The following PITPNC1 variants were observed in gnomAD, a reference collection of about 807,000 sequenced individuals.
PITPNC1 encodes phosphatidylinositol transfer protein cytoplasmic 1.
Under a neutral mutation model 44.7 loss-of-function variants are expected in PITPNC1, and 18 were observed. That is an observed-to-expected ratio of 0.40 (90% confidence interval 0.28 to 0.60). PITPNC1 has a LOEUF of 0.60. Ranked by LOEUF, PITPNC1 falls within the 20% of genes least tolerant of loss-of-function variation. The pLI, the probability that PITPNC1 is intolerant of heterozygous loss-of-function variation, is 0.39. For missense variants in PITPNC1, 290 were observed against 418.4 expected, an observed-to-expected ratio of 0.69 and a Z score of 2.68; for synonymous variants, 141 against 149.6, an observed-to-expected ratio of 0.94 and a Z score of 0.42.
At chr17:67,430,131 G>C (rs931097129) in intron 1 of PITPNC1, among the ~76,000 whole-genome samples, 3 of 152,228 alleles carry the variant, frequency 2.0e-5, no homozygotes, top group Non-Finnish European at 4.4e-5. Flanking sequence ...GTTTAAGACA[G>C]TTCTGAATGC....
intron 1 of PITPNC1, among the ~76,000 whole-genome samples, chr17:67,471,948 G>A (rs556463112): frequency 2.0e-5 from 3 of 151,874 alleles, no homozygotes; most frequent in South Asian, 4.2e-4. Flanking sequence ...GTCTCTCCTT[G>A]TTTTTTTATG....
intron 1 of PITPNC1, among the ~76,000 whole-genome samples, chr17:67,500,497 A>T (rs2040011432): frequency 6.6e-6 from 1 of 152,114 alleles, no homozygotes; most frequent in Non-Finnish European, 1.5e-5. Context: ...AATACCATTA[A>T]CTGCTTATGG....
intron 2 of PITPNC1, among the ~76,000 whole-genome samples, chr17:67,547,819 T>C (rs2040704531): frequency 6.6e-6 from 1 of 152,226 alleles, no homozygotes; most frequent in Admixed American, 6.5e-5. Flanking sequence ...CAGTTCAGAT[T>C]ATGCCTGCCC....
intron 1 of PITPNC1, among the ~76,000 whole-genome samples, chr17:67,387,497 C>G (rs1196866176): frequency 3.3e-5 from 5 of 152,106 alleles, no homozygotes; most frequent in African/African-American, 1.2e-4. Flanking sequence ...GAAACCCCAT[C>G]TCTACTAAAA....
At chr17:67,585,981 A>T (rs2041310520) in intron 5 of PITPNC1, among the ~76,000 whole-genome samples, 1 of 152,148 alleles carries the variant, frequency 6.6e-6, no homozygotes, top group African/African-American at 2.4e-5. Context: ...TACACCACCC[A>T]ATCTGTGGTG....
intron 6 of PITPNC1, among the ~76,000 whole-genome samples, chr17:67,655,438 T>C (rs895532390): frequency 2.6e-5 from 4 of 151,072 alleles, no homozygotes; most frequent in Non-Finnish European, 5.9e-5. Flanking sequence ...CAGGCGCCTG[T>C]GGTCCCAGCT....
intron 1 of PITPNC1, among the ~76,000 whole-genome samples, chr17:67,517,134 G>C (rs1454985506): frequency 6.6e-6 from 1 of 152,242 alleles, no homozygotes; most frequent in Non-Finnish European, 1.5e-5. Flanking sequence ...CATGTGGCTG[G>C]AGAGCTGCCT....
rs1343822596 is a variant in PITPNC1, at chr17:67,696,481, AT to A, written c.*3594del. On this transcript the variant is annotated 3_prime_UTR_variant, in exon 9 of 9. Transcript: ENST00000581322. ...ATATAATGTGTAATCAGATAATCCA[AT>A]AGAGAGGAATTGTCCAAATAGTTTT... 3.9e-5 allele frequency: 6 copies of A among 152,348 alleles called. No individual in the cohort carries two copies. The highest frequency in any genetic ancestry group is 1.3e-4 in the Admixed American group (2 of 15,296). The allele number at this position is 152,348 out of a possible 1,614,324, so 9.4% of individuals were successfully genotyped here.
chr17:67,675,564 A>G, intron 8 of PITPNC1, 22 bp downstream of exon 8: 1 of 1,503,716 alleles, frequency 6.7e-7, no homozygotes, highest in Non-Finnish European at 9.3e-7. Context: ...TCTCCAAAAT[A>G]ACTTGTAGAA....
chr17:67,683,051 T>C (rs1014771411), intron 8 of PITPNC1, among the ~76,000 whole-genome samples: 1 of 151,496 alleles, frequency 6.6e-6, no homozygotes, highest in Non-Finnish European at 1.5e-5. Context: ...TCCCAGCTAC[T>C]TGGGAGGCTA....
intron 6 of PITPNC1, among the ~76,000 whole-genome samples, chr17:67,646,073 C>T (rs1017185992): frequency 9.2e-5 from 14 of 152,096 alleles, no homozygotes; most frequent in Non-Finnish European, 1.8e-4. Context: ...TGCAGTGAGC[C>T]GAGATCGTAC....
chr17:67,543,978 G>A (rs1040890165), intron 2 of PITPNC1, among the ~76,000 whole-genome samples: 2 of 152,194 alleles, frequency 1.3e-5, no homozygotes, highest in Non-Finnish European at 2.9e-5. Flanking sequence ...AGCCTCCTGA[G>A]TAGCTGGGAT....
chr17:67,605,166 G>A (rs1054394166), intron 5 of PITPNC1, among the ~76,000 whole-genome samples: 1 of 152,186 alleles, frequency 6.6e-6, no homozygotes, highest in Non-Finnish European at 1.5e-5. Context: ...GAGCAAAGCT[G>A]AACCGAGAGC....
chr17:67,399,096 C>G (rs1008838675), intron 1 of PITPNC1, among the ~76,000 whole-genome samples: 2 of 144,138 alleles, frequency 1.4e-5, no homozygotes, highest in Non-Finnish European at 3.0e-5. Flanking sequence ...CTCACTGCAA[C>G]TTCCGCCTCC....
At position 67,488,005 on chromosome 17, in the gene PITPNC1, A is replaced by T. The variant is rs547865551; in HGVS notation, c.49-44797A>T. Among the ~76,000 whole-genome samples the T allele has an allele frequency of 1.6e-4, 24 of 152,328 alleles. No homozygotes were observed. The South Asian group carries it at 4.3e-3, about 28-fold the overall frequency. ...GAGGTGTCAGTAAAGGAGAAAGCTTACTTGAAAGGTTTGGATTACCGAGCA... is the reference window on the plus strand; with the variant it reads ...GAGGTGTCAGTAAAGGAGAAAGCTTTCTTGAAAGGTTTGGATTACCGAGCA... On this transcript the variant is annotated intron_variant, in intron 1 of 8. Coordinates refer to ENST00000581322, the MANE Select transcript of PITPNC1 (RefSeq NM_012417.4).
chr17:67,480,970 G>A (rs2039693463), intron 1 of PITPNC1, among the ~76,000 whole-genome samples: 1 of 152,210 alleles, frequency 6.6e-6, no homozygotes, highest in Non-Finnish European at 1.5e-5. Flanking sequence ...AATTTGGGAG[G>A]CTGAGGTGGG....
rs57000667 is a variant in PITPNC1, at chr17:67,622,381, CATAT to C, written c.367-9749_367-9746del. On this transcript the variant is annotated intron_variant, in intron 5 of 8. Coordinates refer to ENST00000581322, the MANE Select transcript of PITPNC1 (RefSeq NM_012417.4). The stretch of plus-strand genomic sequence containing the variant: ...ATACTCTTGGGTTGGATTGTATATT[CATAT>C]ATATATATATATTCATAAATAGTCA... Among the ~76,000 whole-genome samples the C allele has an allele frequency of 9.9e-3, 1,465 of 147,958 alleles. 38 individuals carry two copies. The highest frequency in any genetic ancestry group is 0.044 in the Admixed American group (648 of 14,754).
chr17:67,679,396 C>A (rs1276335288), intron 8 of PITPNC1, among the ~76,000 whole-genome samples: 2 of 152,260 alleles, frequency 1.3e-5, no homozygotes, highest in East Asian at 3.8e-4. Context: ...GCAGACTCAG[C>A]AGGTGCTCTG....
intron 5 of PITPNC1, among the ~76,000 whole-genome samples, chr17:67,607,726 T>TC (rs1420740499): frequency 6.7e-6 from 1 of 149,074 alleles, no homozygotes; most frequent in African/African-American, 2.5e-5. Flanking sequence ...AACTTTTTTT[T>TC]CTTTCTTTTT....
Sources: allele counts gnomAD v4.1 joint callset (sites outside exome capture counted in the v4.1 genomes callset), GRCh38; gene constraint gnomAD v4.1.1; transcripts MANE v1.5; gene names NCBI Gene and HGNC (gene_info 2026-07-23, HGNC 2026-07-21).